The following PPM1E variants were observed in gnomAD, a reference collection of about 807,000 sequenced individuals.
PPM1E encodes the protein protein phosphatase 1E.
Under a neutral mutation model 65.9 loss-of-function variants are expected in PPM1E, and 20 were observed. The ratio of observed to expected loss-of-function variants is 0.30; its 90% CI spans 0.21 to 0.44. PPM1E has a LOEUF of 0.44. Among genes scored for constraint, PPM1E ranks in the 20% least tolerant of loss-of-function variants. PPM1E has a pLI of 1.00. For synonymous variants in PPM1E, 352 were observed against 374.9 expected, an observed-to-expected ratio of 0.94 and a Z score of 0.70; for missense variants, 713 against 953.1, an observed-to-expected ratio of 0.75 and a Z score of 3.32.
In PPM1E at chr17:58,969,197, C is replaced by G. The variant is rs368110343; in HGVS notation, c.784-342C>G. ...TGTTCAATTCCTTCTCATACCCTCCCTATCCCCCCTCCCCCAACTTGTAAC... is the reference window on the plus strand; with the variant it reads ...TGTTCAATTCCTTCTCATACCCTCCGTATCCCCCCTCCCCCAACTTGTAAC... On this transcript the variant is annotated intron_variant, in intron 3 of 6. Coordinates refer to ENST00000308249, the MANE Select transcript of PPM1E (RefSeq NM_014906.5). Among the ~76,000 whole-genome samples the G allele has an allele frequency of 4.3e-3, 649 of 152,260 alleles. 3 individuals are homozygous for G. The highest frequency in any genetic ancestry group is 0.014 in the African/African-American group (581 of 41,540).
rs756341056 is a variant in PPM1E, at chr17:58,984,374, A to G, written c.*3343A>G. Reference sequence around the variant, plus strand: ...ATGGCCAAGTTCAGTGTTTACAGATAAAACTGCTGTGGTTCAAGTGCTTCC... The same window carrying G: ...ATGGCCAAGTTCAGTGTTTACAGATGAAACTGCTGTGGTTCAAGTGCTTCC... On this transcript the variant is annotated 3_prime_UTR_variant, in exon 7 of 7. Coordinates refer to ENST00000308249, the MANE Select transcript of PPM1E (RefSeq NM_014906.5). 6.5e-6 allele frequency: 1 copy of G among 152,680 alleles called. No individual in the cohort carries two copies. The highest frequency in any genetic ancestry group is 2.4e-5 in the African/African-American group (1 of 41,466). 9.5% of individuals were successfully genotyped at this position (152,680 alleles called of 1,614,324 possible).
In PPM1E at chr17:58,984,846, G is replaced by A. The variant is rs1437949820; in HGVS notation, c.*3815G>A. The A allele has an allele frequency of 6.6e-6, 1 of 152,410 alleles. No individual in the cohort carries two copies. Among genetic ancestry groups the A allele is most frequent in the Non-Finnish European group, 1.5e-5 (1 of 68,038 alleles). 9.4% of individuals were successfully genotyped at this position (152,410 alleles called of 1,614,324 possible). A position where few individuals can be genotyped will look rare whatever the true frequency, so the allele number is the denominator to read the frequency against. On this transcript the variant is annotated 3_prime_UTR_variant, in exon 7 of 7. Coordinates refer to ENST00000308249, the MANE Select transcript of PPM1E (RefSeq NM_014906.5). ...TAGGGAACTCCAGACTGACACAGCA[G>A]TTGTTTTTGAAAAGGAAATAAACTT... is the stretch of plus-strand genomic sequence containing the variant.
At chr17:58,790,848 T>A (rs1202890986) in intron 1 of PPM1E, among the ~76,000 whole-genome samples, 1 of 152,052 alleles carries the variant, frequency 6.6e-6, no homozygotes, top group Non-Finnish European at 1.5e-5. Context: ...GATCGAGAAC[T>A]ACAGATCTGA....
At chr17:58,822,649 G>A (rs11657850) in intron 1 of PPM1E, among the ~76,000 whole-genome samples, 11,001 of 152,218 alleles carry the variant, frequency 0.072, 530 homozygotes, top group Middle Eastern at 0.18. Context: ...CTCTTATTAA[G>A]ATAATTCATG....
chr17:58,860,115 A>G (rs1262691261), intron 1 of PPM1E, among the ~76,000 whole-genome samples: 1 of 152,176 alleles, frequency 6.6e-6, no homozygotes, highest in Non-Finnish European at 1.5e-5. Flanking sequence ...CATCCTCAAT[A>G]CCCAGTTGTG....
intron 2 of PPM1E, among the ~76,000 whole-genome samples, chr17:58,962,114 G>A (rs1170974964): frequency 2.0e-5 from 3 of 151,972 alleles, no homozygotes; most frequent in South Asian, 2.1e-4. Context: ...GAGAAACCCC[G>A]TCTCTACTAA....
At chr17:58,827,135 C>CTTT (rs34789176) in intron 1 of PPM1E, among the ~76,000 whole-genome samples, 3 of 104,256 alleles carry the variant, frequency 2.9e-5, no homozygotes, top group African/African-American at 3.9e-5. Context: ...AGTCCATGAT[C>CTTT]TTTTTTTTTT....
intron 1 of PPM1E, among the ~76,000 whole-genome samples, chr17:58,856,235 A>G (rs2050880514): frequency 6.6e-6 from 1 of 151,884 alleles, no homozygotes; most frequent in East Asian, 1.9e-4. Context: ...ATATGTGTTC[A>G]TTTTATTTTA....
chr17:58,802,572 G>C (rs1037947256), intron 1 of PPM1E, among the ~76,000 whole-genome samples: 1 of 151,742 alleles, frequency 6.6e-6, no homozygotes, highest in East Asian at 1.9e-4. Context: ...TATTTTTTGT[G>C]GAAAATACCA....
chr17:58,873,158 A>G (rs1488692139), intron 1 of PPM1E, among the ~76,000 whole-genome samples: 1 of 152,124 alleles, frequency 6.6e-6, no homozygotes, highest in Non-Finnish European at 1.5e-5. Context: ...GTATAGATAA[A>G]TTTTCATAAC....
intron 1 of PPM1E, among the ~76,000 whole-genome samples, chr17:58,799,403 C>T (rs117333407): frequency 0.013 from 1,938 of 151,944 alleles, 71 homozygotes; most frequent in East Asian, 0.079. Context: ...CCTCGGTCCC[C>T]CCTGAGCAGC....
chr17:58,904,176 A>T (rs2051528696), intron 1 of PPM1E, among the ~76,000 whole-genome samples: 1 of 152,162 alleles, frequency 6.6e-6, no homozygotes, highest in South Asian at 2.1e-4. Context: ...AAAGTATAGA[A>T]GTTGAAGAAA....
intron 1 of PPM1E, among the ~76,000 whole-genome samples, chr17:58,905,580 A>G (rs1463758383): frequency 1.3e-5 from 2 of 152,040 alleles, no homozygotes; most frequent in Non-Finnish European, 2.9e-5. Flanking sequence ...TTTGTAATGT[A>G]TAAATCTTTT....
At chr17:58,959,605 A>G (rs370659062) in intron 2 of PPM1E, among the ~76,000 whole-genome samples, 1 of 151,306 alleles carries the variant, frequency 6.6e-6, no homozygotes, top group Non-Finnish European at 1.5e-5. Flanking sequence ...TCTCAAAAAA[A>G]AAAAAAAGGC....
intron 1 of PPM1E, among the ~76,000 whole-genome samples, chr17:58,833,390 C>A (rs1024126051): frequency 1.0e-4 from 15 of 150,380 alleles, no homozygotes; most frequent in African/African-American, 3.4e-4. Context: ...CACCGCACCC[C>A]CACAGAAGTC....
intron 1 of PPM1E, among the ~76,000 whole-genome samples, chr17:58,892,730 A>C (rs192633635): frequency 1.8e-3 from 275 of 152,364 alleles, no homozygotes; most frequent in South Asian, 6.0e-3. Context: ...ATATACAAAG[A>C]ACTCTTAAAA....
intron 1 of PPM1E, among the ~76,000 whole-genome samples, chr17:58,825,309 C>G (rs149441025): frequency 3.3e-5 from 5 of 151,476 alleles, no homozygotes; most frequent in Non-Finnish European, 5.9e-5. Flanking sequence ...GTGGCTCATG[C>G]CTGTAATCCC....
intron 1 of PPM1E, among the ~76,000 whole-genome samples, chr17:58,912,089 A>G (rs892817240): frequency 6.6e-6 from 1 of 152,160 alleles, no homozygotes; most frequent in Non-Finnish European, 1.5e-5. Flanking sequence ...CTGGTTGGCT[A>G]AGACTTAAAC....
intron 1 of PPM1E, among the ~76,000 whole-genome samples, chr17:58,828,621 C>T (rs529779640): frequency 5.3e-5 from 8 of 152,030 alleles, no homozygotes; most frequent in South Asian, 4.2e-4. Flanking sequence ...TGCACCACTA[C>T]GCCAGGCTAA....
Sources: gnomAD v4.1 joint callset for allele counts (sites outside exome capture counted in the v4.1 genomes callset) on GRCh38, gnomAD v4.1.1 for gene constraint, MANE v1.5 for transcripts, NCBI Gene and HGNC (gene_info 2026-07-23, HGNC 2026-07-21) for gene names.